The following PTPRM variants were observed in gnomAD, a reference collection of about 807,000 sequenced individuals.
The protein encoded by PTPRM is receptor-type tyrosine-protein phosphatase mu.
Under a neutral mutation model 186.7 loss-of-function variants are expected in PTPRM, and 47 were observed. The observed-to-expected ratio is 0.25, with a 90% CI of 0.20 to 0.32. PTPRM has a LOEUF of 0.32. PTPRM is among the 10% of genes least tolerant of loss of function. The pLI is 1.00. For missense variants in PTPRM, 1,494 were observed against 1,865.0 expected (o/e 0.80, Z 3.66); for synonymous variants, 668 against 674.9 (o/e 0.99, Z 0.16).
chr18:8,369,586 A>G (rs1412810404), intron 23 of PTPRM, among the ~76,000 whole-genome samples: 1 of 152,196 alleles, frequency 6.6e-6, no homozygotes, highest in African/African-American at 2.4e-5. Flanking sequence ...GGGGCAAAGA[A>G]TTCTCTTTTA....
At chr18:8,339,260 T>A (rs2095459455) in intron 22 of PTPRM, among the ~76,000 whole-genome samples, 1 of 151,866 alleles carries the variant, frequency 6.6e-6, no homozygotes, top group Non-Finnish European at 1.5e-5. Context: ...CCTTTCCTTC[T>A]CAGTAGAGGT....
At chr18:8,341,429 C>T (rs1039489971) in intron 22 of PTPRM, among the ~76,000 whole-genome samples, 15 of 152,126 alleles carry the variant, frequency 9.9e-5, no homozygotes, top group African/African-American at 3.4e-4. Flanking sequence ...GGTCTTACAC[C>T]GAGCAATCCC....
intron 14 of PTPRM, among the ~76,000 whole-genome samples, chr18:8,237,431 ATTTTTTTT>A (rs59073560): frequency 2.8e-5 from 2 of 71,672 alleles, no homozygotes; most frequent in South Asian, 5.3e-4. Flanking sequence ...GATTCCCTCA[ATTTTTTTT>A]TTTTTTTTTT....
intron 6 of PTPRM, among the ~76,000 whole-genome samples, chr18:7,950,631 A>C (rs919918183): frequency 1.3e-5 from 2 of 152,162 alleles, no homozygotes; most frequent in Non-Finnish European, 2.9e-5. Flanking sequence ...GATCAAATGC[A>C]AAGTGTATAT....
intron 3 of PTPRM, among the ~76,000 whole-genome samples, chr18:7,899,413 T>G (rs2049540177): frequency 6.6e-6 from 1 of 152,172 alleles, no homozygotes; most frequent in Non-Finnish European, 1.5e-5. Flanking sequence ...AGTAGCAAAT[T>G]CACAAATATG....
chr18:7,806,014 C>G (rs944653578), intron 2 of PTPRM, among the ~76,000 whole-genome samples: 6 of 152,192 alleles, frequency 3.9e-5, no homozygotes, highest in African/African-American at 1.2e-4. Context: ...TTGAGAAGAT[C>G]TGTGTAGTGG....
In PTPRM at chr18:7,728,738, C is replaced by T. The variant is rs150313531; in HGVS notation, c.74-45411C>T. Among the ~76,000 whole-genome samples, 690 of 152,304 alleles carry T rather than the reference C, an allele frequency of 4.5e-3. 18 individuals are homozygous for T. Among genetic ancestry groups the T allele is most frequent in the Admixed American group, 0.033 (501 of 15,300 alleles). On this transcript the variant is annotated intron_variant, in intron 1 of 32. Coordinates refer to ENST00000580170, the MANE Select transcript of PTPRM (RefSeq NM_001105244.2). ...AGGGACCCTTCCCTATCTGCCTAGG[C>T]ATTTGTCTGCCTCCTGCCTCTATCA...
intron 7 of PTPRM, among the ~76,000 whole-genome samples, chr18:8,063,785 G>A (rs1330122146): frequency 6.6e-6 from 1 of 152,126 alleles, no homozygotes; most frequent in Non-Finnish European, 1.5e-5. Context: ...TGAAAGACTT[G>A]GTGAAATTAT....
intron 3 of PTPRM, among the ~76,000 whole-genome samples, chr18:7,904,089 G>A (rs1484914403): frequency 6.6e-6 from 1 of 152,076 alleles, no homozygotes; most frequent in Non-Finnish European, 1.5e-5. Flanking sequence ...TCTTCCTAGT[G>A]TGTGTAACAT....
chr18:7,833,124 A>G (rs572456204), intron 2 of PTPRM, among the ~76,000 whole-genome samples: 1 of 152,050 alleles, frequency 6.6e-6, no homozygotes, highest in South Asian at 2.1e-4. Flanking sequence ...TTCCATATAC[A>G]TTTTAGGATT....
intron 5 of PTPRM, among the ~76,000 whole-genome samples, chr18:7,943,814 G>A (rs192835721): frequency 9.9e-5 from 15 of 152,164 alleles, no homozygotes; most frequent in Admixed American, 9.2e-4. Context: ...GATTACGTTT[G>A]GCCAACCCAG....
chr18:8,299,090 C>T (rs1039747521), intron 20 of PTPRM, among the ~76,000 whole-genome samples: 11 of 152,056 alleles, frequency 7.2e-5, no homozygotes, highest in Non-Finnish European at 1.3e-4. Context: ...CTCCCCACCA[C>T]GTTCCAAGCA....
intron 19 of PTPRM, among the ~76,000 whole-genome samples, chr18:8,276,070 A>G (rs1428022620): frequency 1.3e-5 from 2 of 150,718 alleles, no homozygotes; most frequent in African/African-American, 4.9e-5. Flanking sequence ...CTTGGAGCCC[A>G]TTTCTGTTCT....
chr18:8,244,033 A>T (rs1368988430), intron 14 of PTPRM, 25 bp from the exon 15 acceptor site: 1 of 1,599,244 alleles, frequency 6.3e-7, no homozygotes, highest in Non-Finnish European at 8.5e-7. Context: ...ATGCATGCCT[A>T]CATAATTGAA....
chr18:7,962,871 A>G (rs2053774081), intron 7 of PTPRM, among the ~76,000 whole-genome samples: 2 of 152,262 alleles, frequency 1.3e-5, no homozygotes. Flanking sequence ...CTGGACTTAC[A>G]GGGCTGACCC....
intron 31 of PTPRM, 56 bp from the exon 32 acceptor site, chr18:8,394,420 G>A (rs751999330): frequency 3.3e-6 from 5 of 1,523,910 alleles, no homozygotes; most frequent in Non-Finnish European, 4.4e-6. Flanking sequence ...ACAGGTGTTT[G>A]CAAGATGCAG....
chr18:8,400,089 G>A (rs2095864183), intron 32 of PTPRM, among the ~76,000 whole-genome samples: 1 of 152,200 alleles, frequency 6.6e-6, no homozygotes, highest in Non-Finnish European at 1.5e-5. Context: ...GAACAGGGCA[G>A]AGCTCAATCA....
intron 1 of PTPRM, among the ~76,000 whole-genome samples, chr18:7,592,282 A>G (rs2037146146): frequency 6.6e-6 from 1 of 152,228 alleles, no homozygotes; most frequent in Non-Finnish European, 1.5e-5. Flanking sequence ...ATGTTTCTAC[A>G]GGCGACATGG....
chr18:8,216,294 A>G (rs1281548274), intron 14 of PTPRM, among the ~76,000 whole-genome samples: 2 of 152,136 alleles, frequency 1.3e-5, no homozygotes, highest in Non-Finnish European at 2.9e-5. Context: ...ATGTGGGGGT[A>G]TACATTTTTG....
Sources: allele counts gnomAD v4.1 joint callset (sites outside exome capture counted in the v4.1 genomes callset), GRCh38; gene constraint gnomAD v4.1.1; transcripts MANE v1.5; gene names NCBI Gene and HGNC (gene_info 2026-07-23, HGNC 2026-07-21).